Variants in KCNH7 observed in about 807,000 individuals in gnomAD.
The protein encoded by KCNH7 is voltage-gated inwardly rectifying potassium channel KCNH7.
In KCNH7, 49 loss-of-function variants were observed where a neutral mutation model predicts 120.8. The observed-to-expected ratio is 0.41, with a 90% CI of 0.32 to 0.51. The LOEUF (loss-of-function observed/expected upper bound fraction) is 0.51, where lower values mean the gene tolerates loss of function less well. Among genes scored for constraint, KCNH7 ranks in the 20% least tolerant of loss-of-function variants. The probability of loss-of-function intolerance (pLI) is 0.38; values close to 1 mark genes in which losing one functional copy is unlikely to be tolerated. For synonymous variants in KCNH7, 547 were observed against 516.1 expected (o/e 1.06, Z -0.81); for missense variants, 1,097 against 1,446.6 (o/e 0.76, Z 3.92).
At chr2:162,660,587 T>C (rs1010964267) in intron 2 of KCNH7, among the ~76,000 whole-genome samples, 1 of 152,210 alleles carries the variant, frequency 6.6e-6, no homozygotes, top group Admixed American at 6.5e-5. Flanking sequence ...TCTGCTGTTG[T>C]TGAATAAGTA....
intron 7 of KCNH7, among the ~76,000 whole-genome samples, chr2:162,437,390 T>C (rs1688275865): frequency 6.6e-6 from 1 of 152,184 alleles, no homozygotes; most frequent in Non-Finnish European, 1.5e-5. Context: ...GCTTGCTTTT[T>C]TTCTTCTTTA....
chr2:162,474,548 T>A (rs1429739054), intron 6 of KCNH7, among the ~76,000 whole-genome samples: 3 of 152,242 alleles, frequency 2.0e-5, no homozygotes, highest in Non-Finnish European at 4.4e-5. Flanking sequence ...CTCTTGAGTG[T>A]AGGCTGGACT....
intron 2 of KCNH7, among the ~76,000 whole-genome samples, chr2:162,642,352 A>C (rs1684189537): frequency 6.6e-6 from 1 of 152,170 alleles, no homozygotes; most frequent in Non-Finnish European, 1.5e-5. Flanking sequence ...GCATTTGTAC[A>C]TGCTTTTCTT....
intron 14 of KCNH7, among the ~76,000 whole-genome samples, chr2:162,378,017 G>T (rs1301704136): frequency 6.6e-6 from 1 of 152,126 alleles, no homozygotes; most frequent in African/African-American, 2.4e-5. Context: ...CCATGACAGA[G>T]CAACCAGGTG....
chr2:162,443,981 G>T (rs1418271025), intron 7 of KCNH7, among the ~76,000 whole-genome samples: 2 of 152,146 alleles, frequency 1.3e-5, no homozygotes, highest in African/African-American at 4.8e-5. Context: ...CTGCACGGTG[G>T]TCTCATGTGG....
chr2:162,601,753 T>C (rs1301106417), intron 2 of KCNH7, among the ~76,000 whole-genome samples: 1 of 152,080 alleles, frequency 6.6e-6, no homozygotes, highest in Non-Finnish European at 1.5e-5. Flanking sequence ...ATGCTCCCTT[T>C]CATATGTTAA....
At chr2:162,685,486 C>G (rs1241084983) in intron 2 of KCNH7, among the ~76,000 whole-genome samples, 1 of 152,042 alleles carries the variant, frequency 6.6e-6, no homozygotes, top group Non-Finnish European at 1.5e-5. Context: ...GATGAATTGT[C>G]TAGCAAGAGG....
intron 8 of KCNH7, among the ~76,000 whole-genome samples, chr2:162,424,992 A>G (rs916623397): frequency 6.6e-6 from 1 of 152,172 alleles, no homozygotes; most frequent in Non-Finnish European, 1.5e-5. Flanking sequence ...GTAAACAAGT[A>G]AAGCAGATTG....
chr2:162,435,067 C>A, intron 8 of KCNH7, 131 bp downstream of exon 8: 1 of 794,850 alleles, frequency 1.3e-6, no homozygotes, highest in South Asian at 2.0e-5. Flanking sequence ...AATACAGTAC[C>A]CATATATGTA....
intron 2 of KCNH7, among the ~76,000 whole-genome samples, chr2:162,668,559 A>G (rs995643652): frequency 6.6e-6 from 1 of 152,106 alleles, no homozygotes; most frequent in African/African-American, 2.4e-5. Context: ...ACAGGGTTTC[A>G]CCTAGCTTTC....
intron 2 of KCNH7, among the ~76,000 whole-genome samples, chr2:162,739,605 C>A (rs568684253): frequency 7.9e-5 from 12 of 152,270 alleles, no homozygotes; most frequent in Non-Finnish European, 1.5e-4. Flanking sequence ...CAGGATTTTT[C>A]TGTCTCCCTT....
At chr2:162,566,136 T>G (rs1007604923) in intron 2 of KCNH7, among the ~76,000 whole-genome samples, 5 of 151,980 alleles carry the variant, frequency 3.3e-5, no homozygotes, top group African/African-American at 1.2e-4. Context: ...CGCTGCCTTT[T>G]GGGGAATCTA....
At chr2:162,615,565 T>A (rs532411550) in intron 2 of KCNH7, among the ~76,000 whole-genome samples, 2 of 152,300 alleles carry the variant, frequency 1.3e-5, no homozygotes, top group East Asian at 3.9e-4. Context: ...GAAATGCAAG[T>A]CATACACTTG....
intron 2 of KCNH7, 134 bp from the exon 3 acceptor site, chr2:162,537,214 C>G: frequency 1.5e-6 from 1 of 655,008 alleles, no homozygotes; most frequent in African/African-American, 1.8e-5. Context: ...ATAATTTGAT[C>G]TTTTTTACTT....
intron 2 of KCNH7, among the ~76,000 whole-genome samples, chr2:162,826,750 A>G (rs1302084585): frequency 6.6e-6 from 1 of 152,062 alleles, no homozygotes; most frequent in Non-Finnish European, 1.5e-5. Context: ...CATTTCTTCT[A>G]CTTTTTAATA....
chr2:162,838,415 G>C, intron 1 of KCNH7, 28 bp downstream of exon 1: 8 of 1,586,232 alleles, frequency 5.0e-6, no homozygotes, highest in Non-Finnish European at 6.1e-6. Flanking sequence ...AGAAAGCGAG[G>C]GCGAGAGAAG....
chr2:162,832,339 G>T (rs1389093), intron 2 of KCNH7, among the ~76,000 whole-genome samples: 1 of 151,872 alleles, frequency 6.6e-6, no homozygotes, highest in Non-Finnish European at 1.5e-5. Context: ...CTTATATAAA[G>T]CTATTATGAA....
chr2:162,557,578 A>G (rs545988365), intron 2 of KCNH7, among the ~76,000 whole-genome samples: 1 of 152,310 alleles, frequency 6.6e-6, no homozygotes, highest in African/African-American at 2.4e-5. Context: ...GCTGATTAAA[A>G]AGCAACTTTC....
intron 2 of KCNH7, among the ~76,000 whole-genome samples, chr2:162,762,941 T>C (rs1008653469): frequency 9.2e-5 from 14 of 152,112 alleles, no homozygotes; most frequent in Non-Finnish European, 1.6e-4. Context: ...TTCTTTAAAA[T>C]TGAAGAGGAA....
Sources: allele counts gnomAD v4.1 joint callset (sites outside exome capture counted in the v4.1 genomes callset), GRCh38; gene constraint gnomAD v4.1.1; transcripts MANE v1.5; gene names NCBI Gene and HGNC (gene_info 2026-07-23, HGNC 2026-07-21).